Variants in POLRMT observed in about 807,000 individuals in gnomAD.
The protein encoded by POLRMT is DNA-directed RNA polymerase, mitochondrial.
POLRMT carries 114 observed loss-of-function variants against 132.2 expected under a neutral mutation model. That is an observed-to-expected ratio of 0.86 (90% CI 0.74 to 1.01). The LOEUF is 1.01. Ranked by LOEUF, POLRMT falls within the 50% of genes least tolerant of loss-of-function variation. The pLI, the probability that POLRMT is intolerant of heterozygous loss-of-function variation, is 0.00. For synonymous variants in POLRMT, 1,020 were observed against 773.4 expected (o/e 1.32, Z -5.29); for missense variants, 2,003 against 1,729.1 (o/e 1.16, Z -2.81).
In POLRMT at chr19:617,596, T is replaced by G; in HGVS notation, c.3555A>C (p.Arg1185Ser). The G allele has an allele frequency of 6.2e-7, 1 of 1,612,256 alleles. No individual in the cohort carries two copies. Among genetic ancestry groups the G allele is most frequent in the Non-Finnish European group, 8.5e-7 (1 of 1,179,970 alleles). ...CAGAGCAGAACCGCTTGACCAGGAATCTGGACAGGTCCTGCAGGATGGGCT... is the reference window on the plus strand; with the variant it reads ...CAGAGCAGAACCGCTTGACCAGGAAGCTGGACAGGTCCTGCAGGATGGGCT... ...HSEPILQDLS[R>S]FLVKRFCSEP... Residue 1185 changes from arginine (R) to serine (S), a missense_variant, in exon 19 of 21, where the codon AGA becomes AGC. Transcript: ENST00000588649.
In POLRMT at chr19:621,794, G is replaced by A; in HGVS notation, c.1904C>T (p.Ala635Val). 6.2e-7 allele frequency: 1 copy of A among 1,602,370 alleles called. No individual in the cohort carries two copies. The highest frequency in any genetic ancestry group is 1.1e-5 in the South Asian group (1 of 91,074). The change falls in exon 10 of 21, where the codon GCG becomes GTG. Residue 635 changes from alanine (A) to valine (V), a missense_variant. By Grantham distance (64) the Ala-to-Val change is moderately conservative. Coordinates refer to ENST00000588649, the MANE Select transcript of POLRMT (RefSeq NM_005035.4). ...CGCCTCGAAGGTCAGCGTGGGCTCC[G>A]CGGCCTTCTCCAGCAGCTGCACGTA... ...PAYVQLLEKA[A>V]EPTLTFEAVD...
At chr19:628,907 G>A (rs1243002553) in intron 3 of POLRMT, among the ~76,000 whole-genome samples, 2 of 152,156 alleles carry the variant, frequency 1.3e-5, no homozygotes, top group Non-Finnish European at 2.9e-5. Flanking sequence ...AGGAGGCTGA[G>A]GCAGGATAAT....
Position 633,434 on chromosome 19 carries a change from C to T in POLRMT, c.79G>A (p.Gly27Ser), listed in dbSNP as rs533598307. ...LRPCGRPGLP[G>S]KEGTAGGVCG... The stretch of plus-strand genomic sequence containing the variant: ...TCTCCCTTTGTGTTACCTTCTTTGC[C>T]GGGGAGTCCCGGGCGGCCGCAAGGC... Residue 27 changes from glycine (G) to serine (S), a missense_variant, in exon 1 of 21, where the codon GGC (glycine) becomes AGC (serine). Physicochemically the swap from Gly to Ser is moderately conservative, Grantham distance 56 (BLOSUM62 0). Coordinates refer to ENST00000588649, the MANE Select transcript of POLRMT (RefSeq NM_005035.4). 1.3e-4 allele frequency: 207 copies of T among 1,547,602 alleles called. 1 individual carries two copies. The highest frequency in any genetic ancestry group is 1.2e-3 in the South Asian group (97 of 82,116).
chr19:625,509 C>G, intron 3 of POLRMT: 2 of 453,608 alleles, frequency 4.4e-6, no homozygotes, highest in Non-Finnish European at 7.8e-6. Context: ...CTTGTTAAAC[C>G]TCCAGATTTG....
In POLRMT at chr19:619,612, G is replaced by A. The variant is rs1984338403; in HGVS notation, c.3040C>T (p.Leu1014Phe). The A allele has an allele frequency of 2.5e-6, 4 of 1,611,086 alleles. No homozygotes were observed. Among genetic ancestry groups the A allele is most frequent in the South Asian group, 1.1e-5 (1 of 91,016 alleles). ...YGGRLQIEKR[L>F]RELSDFPQEF... ...TGGGGAAAGTCGCTCAGCTCCCGGA[G>A]GCGCTTCTCAATCTGCAGGCGCCCG... The change falls in exon 13 of 21, where the codon CTC (leucine) becomes TTC (phenylalanine). Residue 1014 changes from leucine to phenylalanine, a missense_variant. Transcript: ENST00000588649.
In POLRMT at chr19:618,591, G is replaced by C. The variant is rs1388105273; in HGVS notation, c.3324-5C>G. ...TGCTTACGTGTGTTGGGCTTTCTGA[G>C]GACGGAACAGGTGCCGGTGGGGGCG... On this transcript the variant is annotated splice_region_variant and splice_polypyrimidine_tract_variant and intron_variant, in intron 16 of 20. Transcript: ENST00000588649. The C allele has an allele frequency of 1.2e-6, 2 of 1,609,364 alleles. No individual in the cohort carries two copies. The highest frequency in any genetic ancestry group is 1.7e-6 in the Non-Finnish European group (2 of 1,176,406).
rs1368316908 is a variant in POLRMT at position 617,402 on chromosome 19, G to A, written c.3643+17C>T. ...CCGCAGTTCGAGCCACCCTTGCGAG[G>A]CTGCCCACCCGCCTACCTGGCTTGG... On this transcript the variant is annotated intron_variant, in intron 20 of 20. Coordinates refer to ENST00000588649, the MANE Select transcript of POLRMT (RefSeq NM_005035.4). The A allele has an allele frequency of 1.9e-6, 3 of 1,612,294 alleles. No individual in the cohort carries two copies. Among genetic ancestry groups the A allele is most frequent in the Non-Finnish European group, 2.5e-6 (3 of 1,179,764 alleles).
At chr19:631,277 G>A (rs1433691045) in intron 2 of POLRMT, among the ~76,000 whole-genome samples, 4 of 146,386 alleles carry the variant, frequency 2.7e-5, no homozygotes, top group East Asian at 2.1e-4. Flanking sequence ...GCTGTGAGCC[G>A]TGATCAGGCC....
intron 5 of POLRMT, among the ~76,000 whole-genome samples, 186 bp from the exon 6 acceptor site, chr19:623,789 C>G (rs1984820412): frequency 6.6e-6 from 1 of 152,170 alleles, no homozygotes; most frequent in Non-Finnish European, 1.5e-5. Context: ...AGGCCTTGAC[C>G]CTCCTGGCCT....
chr19:617,479 G>A lies in POLRMT; in HGVS notation c.3583C>T (p.Pro1195Ser). ...TGGCTGGCCTCCAAGATCTTCTGGGGCCTGGGGTTGGAAGCAGGGTGGGGT... is the reference window on the plus strand; with the variant it reads ...TGGCTGGCCTCCAAGATCTTCTGGGACCTGGGGTTGGAAGCAGGGTGGGGT... ...RFLVKRFCSE[P>S]QKILEASQLK... Residue 1195 changes from proline (P) to serine (S), a missense_variant and splice_region_variant, in exon 20 of 21, where the codon CCC becomes TCC. Transcript: ENST00000588649. The A allele has an allele frequency of 6.2e-7, 1 of 1,611,040 alleles. No individual in the cohort carries two copies.
chr19:623,801 G>T (rs750893649), intron 5 of POLRMT, among the ~76,000 whole-genome samples, 198 bp from the exon 6 acceptor site: 41 of 152,156 alleles, frequency 2.7e-4, no homozygotes, highest in Non-Finnish European at 4.9e-4. Flanking sequence ...TCCTGGCCTC[G>T]ACCCCTCTAG....
Position 619,691 on chromosome 19 carries a change from G to A in POLRMT, c.2961C>T (p.Arg987=), listed in dbSNP as rs755831699. The A allele has an allele frequency of 6.2e-7, 1 of 1,609,458 alleles. No individual in the cohort carries two copies. Among genetic ancestry groups the A allele is most frequent in the Non-Finnish European group, 8.5e-7 (1 of 1,178,826 alleles). The part of the protein sequence containing the change: ...VAQVLEGFIT[R]KVVKQTVMTV... ...TCATCACCGTCTGCTTCACCACCTT[G>A]CGGGTGATGAAACCTTCCAGCACCT... Residue 987 remains arginine, a synonymous_variant, in exon 13 of 21, where the codon CGC becomes CGT. Transcript: ENST00000588649.
chr19:620,575 G>A (rs1400121774), intron 10 of POLRMT, 88 bp from the exon 11 acceptor site: 1 of 1,415,240 alleles, frequency 7.1e-7, no homozygotes, highest in Non-Finnish European at 9.3e-7. Context: ...GTGGGAAATG[G>A]GGAGGAGACG....
intron 10 of POLRMT, 77 bp from the exon 11 acceptor site, chr19:620,564 G>C: frequency 6.9e-7 from 1 of 1,438,950 alleles, no homozygotes; most frequent in East Asian, 2.5e-5. Flanking sequence ...GTTGCGGGGA[G>C]GTGGGAAATG....
At chr19:622,479 G>A in intron 8 of POLRMT, 103 bp downstream of exon 8, 4 of 1,475,006 alleles carry the variant, frequency 2.7e-6, no homozygotes, top group Non-Finnish European at 3.6e-6. Context: ...CAAGCATACA[G>A]ATGAACAGAC....
Position 623,520 on chromosome 19 carries a change from C to A in POLRMT, c.1224G>T (p.Leu408=). The A allele has an allele frequency of 6.2e-7, 1 of 1,613,528 alleles. No individual in the cohort carries two copies. Among genetic ancestry groups the A allele is most frequent in the Non-Finnish European group, 8.5e-7 (1 of 1,180,000 alleles). ...CGGACACCACGCACACCCTGCTGGC[C>A]AGCTCCATGTGGAGCTGCTTCTCAA... ...CLFEKQLHME[L]ASRVCVVSVE... Residue 408 remains leucine, a synonymous_variant, in exon 6 of 21, where the codon CTG becomes CTT. Coordinates refer to ENST00000588649, the MANE Select transcript of POLRMT (RefSeq NM_005035.4).
intron 15 of POLRMT, 40 bp downstream of exon 15, chr19:618,957 G>A (rs373488837): frequency 2.0e-6 from 3 of 1,483,304 alleles, no homozygotes; most frequent in Non-Finnish European, 2.8e-6. Flanking sequence ...GTTACACTGG[G>A]ATGGTGGCAC....
At chr19:619,906 G>C (rs1402231250) in intron 12 of POLRMT, 52 bp downstream of exon 12, 5 of 1,596,964 alleles carry the variant, frequency 3.1e-6, no homozygotes, top group South Asian at 1.1e-5. Flanking sequence ...GAGACTCAGG[G>C]CTCACATTGC....
Position 620,335 on chromosome 19 carries a change from G to A in POLRMT, c.2763+30C>T, listed in dbSNP as rs367627059. On this transcript the variant is annotated intron_variant, in intron 11 of 20. Transcript: ENST00000588649. ...GCCCCAGGCCCAGTGCACACTGCACGGCCTCGGGGGCCAGACCCAGCTGGC... is the reference window on the plus strand; with the variant it reads ...GCCCCAGGCCCAGTGCACACTGCACAGCCTCGGGGGCCAGACCCAGCTGGC... 50 of 1,541,478 alleles carry A rather than the reference G, an allele frequency of 3.2e-5. No homozygotes were observed. In the African/African-American group the frequency reaches 4.0e-4, roughly 12 times the overall value.
Sources: gnomAD v4.1 joint callset for allele counts (sites outside exome capture counted in the v4.1 genomes callset) on GRCh38, gnomAD v4.1.1 for gene constraint, MANE v1.5 for transcripts, NCBI Gene and HGNC (gene_info 2026-07-23, HGNC 2026-07-21) for gene names.